Variants in HORMAD2 observed in about 807,000 individuals in gnomAD.
HORMAD2 encodes HORMA domain-containing protein 2.
In HORMAD2, 45 loss-of-function variants were observed where a neutral mutation model predicts 38.8. The observed-to-expected ratio is 1.16, with a 90% CI of 0.91 to 1.49. The LOEUF is 1.49. Among genes scored for constraint, HORMAD2 ranks in the 40% most tolerant of loss-of-function variants. HORMAD2 has a pLI of 0.00. For synonymous variants in HORMAD2, 126 were observed against 122.8 expected (o/e 1.03, Z -0.17); for missense variants, 338 against 367.0 (o/e 0.92, Z 0.65).
intron 2 of HORMAD2, 134 bp downstream of exon 2, chr22:30,094,137 T>C: frequency 1.7e-6 from 1 of 606,008 alleles, no homozygotes; most frequent in African/African-American, 1.9e-5. Context: ...TCTGGGAGAG[T>C]ATGTGTACAT....
At chr22:30,139,473 A>T (rs1206154983) in intron 10 of HORMAD2, among the ~76,000 whole-genome samples, 2 of 151,464 alleles carry the variant, frequency 1.3e-5, no homozygotes, top group Non-Finnish European at 2.9e-5. Context: ...ATTCCTGATT[A>T]CTTTCTATAT....
chr22:30,169,671 C>T (rs1405117923), intron 10 of HORMAD2, among the ~76,000 whole-genome samples: 1 of 152,192 alleles, frequency 6.6e-6, no homozygotes, highest in African/African-American at 2.4e-5. Flanking sequence ...ATAGTCAACA[C>T]CTGGTGAACA....
chr22:30,193,709 A>C, the HORMAD2 span, among the ~76,000 whole-genome samples: 1 of 152,220 alleles, frequency 6.6e-6, no homozygotes, highest in Non-Finnish European at 1.5e-5. Flanking sequence ...GTGGCTGCCA[A>C]TGTCCATTCT....
At chr22:30,161,119 C>T (rs1325200126) in intron 10 of HORMAD2, among the ~76,000 whole-genome samples, 1 of 152,242 alleles carries the variant, frequency 6.6e-6, no homozygotes, top group African/African-American at 2.4e-5. Context: ...GTGTTATCTA[C>T]TTTGGTCTCT....
chr22:30,199,440 G>T, the HORMAD2 span, among the ~76,000 whole-genome samples: 1 of 152,194 alleles, frequency 6.6e-6, no homozygotes, highest in Non-Finnish European at 1.5e-5. Context: ...TGAACAAGGA[G>T]ATTCTCTTTA....
intron 2 of HORMAD2, among the ~76,000 whole-genome samples, chr22:30,094,351 G>A (rs977481312): frequency 3.9e-5 from 6 of 152,120 alleles, no homozygotes; most frequent in African/African-American, 1.4e-4. Flanking sequence ...GCACACCATG[G>A]TGTAATTATA....
At position 30,122,259 on chromosome 22, in the gene HORMAD2, A is replaced by C. The variant is rs1922512768; in HGVS notation, c.819+45A>C. 2 of 1,547,446 alleles carry C rather than the reference A, an allele frequency of 1.3e-6. 1 individual carries two copies. Among genetic ancestry groups the C allele is most frequent in the East Asian group, 4.5e-5 (2 of 43,960 alleles). On this transcript the variant is annotated intron_variant, in intron 10 of 10. Coordinates refer to ENST00000336726, the MANE Select transcript of HORMAD2 (RefSeq NM_152510.4). ...ATTTTCTATCGTGTCAGTTAAACAC[A>C]ATTGATATTTTTCAGTTTCTACCCA... is the stretch of plus-strand genomic sequence containing the variant.
At chr22:30,200,798 G>C in the HORMAD2 span, among the ~76,000 whole-genome samples, 1 of 151,386 alleles carries the variant, frequency 6.6e-6, no homozygotes, top group African/African-American at 2.4e-5. Context: ...CAGCCAGGCT[G>C]GAGTGCAGTG....
chr22:30,192,687 T>G, the HORMAD2 span, among the ~76,000 whole-genome samples: 1 of 152,194 alleles, frequency 6.6e-6, no homozygotes. Flanking sequence ...GAATTTGGTC[T>G]TTTTCTAATG....
intron 7 of HORMAD2, among the ~76,000 whole-genome samples, chr22:30,115,104 C>T (rs966779273): frequency 2.0e-5 from 3 of 151,924 alleles, no homozygotes; most frequent in African/African-American, 7.3e-5. Flanking sequence ...GCCTGTTTAC[C>T]ATTGGAGGTG....
Position 30,098,944 on chromosome 22 carries a change from C to T in HORMAD2, c.144C>T (p.Tyr48=), listed in dbSNP as rs769718405. ...CTACTTCCATCTCATGTATAACATA[C>T]CTAAGGGGCCTGTTTCCAGAGAGCT... ...LFATSISCIT[Y]LRGLFPESSY... is the part of the protein sequence containing the mutation. The change falls in exon 3 of 11, where the codon TAC becomes TAT. Residue 48 remains tyrosine, a synonymous_variant. Transcript: ENST00000336726. 6.2e-7 allele frequency: 1 copy of T among 1,613,012 alleles called. No individual in the cohort carries two copies. Among genetic ancestry groups the T allele is most frequent in the South Asian group, 1.1e-5 (1 of 91,012 alleles).
At chr22:30,124,980 T>C (rs1200068151) in intron 10 of HORMAD2, among the ~76,000 whole-genome samples, 3 of 152,154 alleles carry the variant, frequency 2.0e-5, no homozygotes, top group South Asian at 2.1e-4. Context: ...TAATGCCTCA[T>C]GATGTTAATT....
At chr22:30,121,401 AT>A (rs1027460395) in intron 8 of HORMAD2, among the ~76,000 whole-genome samples, 11 of 152,218 alleles carry the variant, frequency 7.2e-5, no homozygotes, top group African/African-American at 2.7e-4. Context: ...TTCAAATCAA[AT>A]TTTTAAAAAG....
intron 10 of HORMAD2, among the ~76,000 whole-genome samples, chr22:30,169,402 A>G (rs1211350428): frequency 6.6e-6 from 1 of 152,260 alleles, no homozygotes; most frequent in African/African-American, 2.4e-5. Context: ...TTAAAGTTAT[A>G]TGATGCCTTA....
chr22:30,092,693 A>T (rs2068712334), intron 1 of HORMAD2, among the ~76,000 whole-genome samples: 1 of 152,114 alleles, frequency 6.6e-6, no homozygotes. Context: ...GGGGTCTCTC[A>T]TTCTTCTGCT....
chr22:30,139,079 A>G (rs1219905081), intron 10 of HORMAD2, among the ~76,000 whole-genome samples: 1 of 151,690 alleles, frequency 6.6e-6, no homozygotes, highest in Non-Finnish European at 1.5e-5. Flanking sequence ...CTTCATCTGC[A>G]CCATTGACTC....
At chr22:30,139,991 G>C (rs1219799623) in intron 10 of HORMAD2, among the ~76,000 whole-genome samples, 1 of 151,846 alleles carries the variant, frequency 6.6e-6, no homozygotes, top group Non-Finnish European at 1.5e-5. Context: ...ATTGCTAGAT[G>C]TTTTCCTAGT....
At chr22:30,092,622 T>G (rs2068711110) in intron 1 of HORMAD2, among the ~76,000 whole-genome samples, 1 of 152,176 alleles carries the variant, frequency 6.6e-6, no homozygotes, top group African/African-American at 2.4e-5. Flanking sequence ...TTTATAATTT[T>G]GAGCCTTACA....
At chr22:30,105,406 C>A in intron 5 of HORMAD2, 1 of 154,682 alleles carries the variant, frequency 6.5e-6, no homozygotes, top group South Asian at 1.7e-4. Context: ...AAAGCAGAAC[C>A]ATGGCTGCTG....
Sources: gnomAD v4.1 joint callset for allele counts (sites outside exome capture counted in the v4.1 genomes callset) on GRCh38, gnomAD v4.1.1 for gene constraint, MANE v1.5 for transcripts, NCBI Gene and HGNC (gene_info 2026-07-23, HGNC 2026-07-21) for gene names.